Variants in ATP11A observed in about 807,000 individuals in gnomAD.
ATP11A encodes phospholipid-transporting ATPase IH.
Under a neutral mutation model 154.4 loss-of-function variants are expected in ATP11A, and 81 were observed. The ratio of observed to expected loss-of-function variants is 0.52; its 90% confidence interval spans 0.44 to 0.63. The LOEUF is 0.63. Ranked by LOEUF, ATP11A falls within the 30% of genes least tolerant of loss-of-function variation. The probability of loss-of-function intolerance (pLI) is 0.00; values close to 1 mark genes in which losing one functional copy is unlikely to be tolerated. For missense variants in ATP11A, 1,316 were observed against 1,474.3 expected (o/e 0.89, Z 1.76); for synonymous variants, 623 against 585.9 (o/e 1.06, Z -0.91).
rs1262020238 is a variant in ATP11A, at chr13:112,696,765, T to G, written c.39+6310T>G. On this transcript the variant is annotated intron_variant, in intron 1 of 29. Transcript: ENST00000375645. This position sits in a 1 kb window ranked among gnomAD's most constrained non-coding sequence, Gnocchi z 6.2. ...TGCCCTTGCCCTCCACCTCAGCGAC[T>G]CCGTGGGGCTTTTGTGATCCCAGCT... 6.6e-6 allele frequency: 1 copy of G among 152,268 alleles called. No individual in the cohort carries two copies. The highest frequency in any genetic ancestry group is 2.4e-5 in the African/African-American group (1 of 41,400). The allele number at this position is 152,268 out of a possible 1,614,324, so 9.4% of individuals were successfully genotyped here.
In ATP11A at chr13:112,824,384, A is replaced by T. The variant is rs2078879339; in HGVS notation, c.831A>T (p.Leu277Phe). The T allele has an allele frequency of 6.2e-7, 1 of 1,614,080 alleles. No homozygotes were observed. Among genetic ancestry groups the T allele is most frequent in the Non-Finnish European group, 8.5e-7 (1 of 1,180,032 alleles). ...IYTGMETKMA[L>F]NYQSKSQKRS... ...CGGGAATGGAAACCAAGATGGCATT[A>T]AATTATCAATCAAAATCTCAGAAGC... Residue 277 changes from leucine to phenylalanine, a missense_variant, in exon 10 of 30, where the codon TTA becomes TTT. Transcript: ENST00000375645.
At chr13:112,736,529 G>A (rs569138424) in intron 1 of ATP11A, among the ~76,000 whole-genome samples, 3 of 152,330 alleles carry the variant, frequency 2.0e-5, no homozygotes, top group South Asian at 4.1e-4. Context: ...GTTCAGCCAG[G>A]AGCACCAGGC....
At chr13:112,744,056 G>A (rs1256823426) in intron 1 of ATP11A, among the ~76,000 whole-genome samples, 1 of 152,228 alleles carries the variant, frequency 6.6e-6, no homozygotes, top group Non-Finnish European at 1.5e-5. Context: ...GCTGAGCTGC[G>A]TGTCCAGCTG....
rs112227052 is a variant in ATP11A at position 112,743,231 on chromosome 13, G to GA, written c.40-41897dup. Among the ~76,000 whole-genome samples, 994 of 152,210 alleles carry GA rather than the reference G, an allele frequency of 6.5e-3. 4 individuals are homozygous for GA. The highest frequency in any genetic ancestry group is 0.022 in the African/African-American group (911 of 41,490). On this transcript the variant is annotated intron_variant, in intron 1 of 29. Coordinates refer to ENST00000375645, the MANE Select transcript of ATP11A (RefSeq NM_015205.3). ...GGGAAACGTGTATTTTCACCATCGT[G>GA]AAAAAAATATGGCTGTATTCAATAG...
At chr13:112,711,951 C>G (rs1370297992) in intron 1 of ATP11A, among the ~76,000 whole-genome samples, 4 of 152,212 alleles carry the variant, frequency 2.6e-5, no homozygotes, top group African/African-American at 9.7e-5. Flanking sequence ...AGTTAATTAA[C>G]ATTCCTAGGA....
At chr13:112,771,337 G>A (rs184834255) in intron 1 of ATP11A, among the ~76,000 whole-genome samples, 6 of 152,308 alleles carry the variant, frequency 3.9e-5, no homozygotes, top group Non-Finnish European at 4.4e-5. Flanking sequence ...GCCAGGCAGA[G>A]ACACCTTGGA....
chr13:112,714,981 T>C (rs1479694046), intron 1 of ATP11A, among the ~76,000 whole-genome samples: 1 of 152,166 alleles, frequency 6.6e-6, no homozygotes, highest in Non-Finnish European at 1.5e-5. Context: ...TTCAACTTTC[T>C]GTCTCTAGGT....
chr13:112,874,692 C>A (rs1594250315), intron 27 of ATP11A, among the ~76,000 whole-genome samples: 1 of 152,196 alleles, frequency 6.6e-6, no homozygotes, highest in Admixed American at 6.5e-5. Flanking sequence ...GCCAGCGGCC[C>A]CTGGTGGCCC....
At chr13:112,792,664 A>G (rs535331422) in intron 2 of ATP11A, among the ~76,000 whole-genome samples, 1 of 151,974 alleles carries the variant, frequency 6.6e-6, no homozygotes, top group Non-Finnish European at 1.5e-5. Context: ...TGGGGGAGAG[A>G]CTTTGGGCAG....
At position 112,854,318 on chromosome 13, in the gene ATP11A, G is replaced by C. The variant is rs1020402541; in HGVS notation, c.2031G>C (p.Gln677His). The change falls in exon 19 of 30, where the codon CAG (glutamine) becomes CAC (histidine). Residue 677 changes from glutamine (Q) to histidine (H), a missense_variant. Around this residue, in one of 5 missense-constraint regions of ATP11A, gnomAD observed 876 missense variants for 1,006.8 expected, o/e 0.87. Coordinates refer to ENST00000375645, the MANE Select transcript of ATP11A (RefSeq NM_015205.3). The part of the protein sequence containing the change: ...EKAADTIEAL[Q>H]KAGIKVWVLT... ...CTGCAGACACCATCGAGGCCCTGCAGAAGGCCGGGATCAAAGTCTGGGTTC... is the reference window on the plus strand; with the variant it reads ...CTGCAGACACCATCGAGGCCCTGCACAAGGCCGGGATCAAAGTCTGGGTTC... The C allele has an allele frequency of 8.7e-6, 14 of 1,614,086 alleles. No homozygotes were observed. The African/African-American group carries it at 1.6e-4, about 18-fold the overall frequency.
At chr13:112,730,244 G>T (rs1890349125) in intron 1 of ATP11A, among the ~76,000 whole-genome samples, 1 of 152,226 alleles carries the variant, frequency 6.6e-6, no homozygotes, top group Non-Finnish European at 1.5e-5. Flanking sequence ...GACATGGGCA[G>T]CCGCAGAGCT....
At chr13:112,860,803 G>A (rs1242869258) in intron 24 of ATP11A, 1 of 157,474 alleles carries the variant, frequency 6.4e-6, no homozygotes, top group African/African-American at 2.4e-5. Context: ...AACAGCTCTG[G>A]TTTCAGGGTG....
intron 1 of ATP11A, among the ~76,000 whole-genome samples, chr13:112,701,009 G>C (rs1886455834): frequency 6.6e-6 from 1 of 152,222 alleles, no homozygotes; most frequent in Admixed American, 6.5e-5. Context: ...GCTTGGCTCA[G>C]CTGCTGAGGG....
In ATP11A at chr13:112,857,940, C is replaced by T; in HGVS notation, c.2521+20C>T. The T allele has an allele frequency of 6.2e-7, 1 of 1,611,626 alleles. No individual in the cohort carries two copies. The highest frequency in any genetic ancestry group is 2.2e-5 in the East Asian group (1 of 44,868). On this transcript the variant is annotated intron_variant, in intron 21 of 29. Transcript: ENST00000375645. The stretch of plus-strand genomic sequence containing the variant: ...GCATAGGTGAGCTTCGTCCTTGCTG[C>T]TGGCACATCCTGGTGGCCAGGTCAC...
chr13:112,878,593 G>C, intron 29 of ATP11A: 1 of 503,512 alleles, frequency 2.0e-6, no homozygotes, highest in South Asian at 2.4e-5. Context: ...GCGGAGAGCT[G>C]GCCACATGAC....
intron 6 of ATP11A, among the ~76,000 whole-genome samples, chr13:112,817,179 A>AATCC (rs2078668789): frequency 2.0e-5 from 3 of 152,248 alleles, no homozygotes; most frequent in Non-Finnish European, 4.4e-5. Context: ...TATGAAAGTG[A>AATCC]GCATAGCTCA....
chr13:112,845,837 A>G (rs7332172), intron 17 of ATP11A, among the ~76,000 whole-genome samples: 38,895 of 121,502 alleles, frequency 0.32, 6,300 homozygotes, highest in African/African-American at 0.35. Flanking sequence ...CGGCACTAGC[A>G]GTACTAACCA....
intron 2 of ATP11A, among the ~76,000 whole-genome samples, chr13:112,796,998 C>T (rs983396711): frequency 2.6e-5 from 4 of 152,134 alleles, no homozygotes; most frequent in Non-Finnish European, 4.4e-5. Context: ...ACGGTGGTCA[C>T]GCCTGTAATC....
intron 1 of ATP11A, among the ~76,000 whole-genome samples, chr13:112,774,731 A>C (rs553984677): frequency 5.3e-5 from 8 of 152,212 alleles, no homozygotes; most frequent in Non-Finnish European, 5.9e-5. Flanking sequence ...TGTATTTCTC[A>C]TCCCAGGTCA....
Sources: allele counts gnomAD v4.1 joint callset (sites outside exome capture counted in the v4.1 genomes callset), GRCh38; gene constraint gnomAD v4.1.1; regional missense constraint gnomAD v4.1.1; non-coding constraint Gnocchi (gnomAD v3.1); transcripts MANE v1.5; gene names NCBI Gene and HGNC (gene_info 2026-07-23, HGNC 2026-07-21).